Variants in SLC5A8 observed in about 807,000 individuals in gnomAD.
SLC5A8 encodes the protein solute carrier family 5 member 8.
Under a neutral mutation model 71.9 loss-of-function variants are expected in SLC5A8, and 55 were observed. The observed-to-expected ratio is 0.77, with a 90% CI of 0.62 to 0.96. The LOEUF (loss-of-function observed/expected upper bound fraction) is 0.96. SLC5A8 is among the 40% of genes least tolerant of loss of function. The pLI is 0.00. For synonymous variants in SLC5A8, 307 were observed against 276.1 expected, an observed-to-expected ratio of 1.11 and a Z score of -1.11; for missense variants, 701 against 745.3, an observed-to-expected ratio of 0.94 and a Z score of 0.69.
At position 101,184,205 on chromosome 12, in the gene SLC5A8, T is replaced by A. The variant is rs1415849588; in HGVS notation, c.981A>T (p.Val327=). Residue 327 remains valine, a synonymous_variant, in exon 8 of 15, where the codon GTA becomes GTT. Coordinates refer to ENST00000536262, the MANE Select transcript of SLC5A8 (RefSeq NM_145913.5). ...SAPDQLMPYL[V]LDILQDYPGL... ...CTGGATAATCTTGCAGAATGTCCAG[T>A]ACCAAATAAGGCATGAGCTGAAAAA... The A allele has an allele frequency of 2.5e-6, 4 of 1,614,152 alleles. No individual in the cohort carries two copies. The South Asian group carries it at 4.4e-5, about 18-fold the overall frequency.
At chr12:101,207,230 G>A (rs372671832) in intron 1 of SLC5A8, among the ~76,000 whole-genome samples, 1 of 152,170 alleles carries the variant, frequency 6.6e-6, no homozygotes, top group African/African-American at 2.4e-5. Flanking sequence ...CTGCACTGGC[G>A]TAAGCATTGC....
intron 3 of SLC5A8, among the ~76,000 whole-genome samples, chr12:101,201,270 C>G (rs1041427555): frequency 2.6e-5 from 4 of 152,146 alleles, no homozygotes; most frequent in Admixed American, 2.0e-4. Context: ...TTCAAGAGCA[C>G]CTTACACATG....
intron 10 of SLC5A8, among the ~76,000 whole-genome samples, chr12:101,177,147 A>C (rs142805881): frequency 6.6e-6 from 1 of 152,252 alleles, no homozygotes; most frequent in Non-Finnish European, 1.5e-5. Flanking sequence ...ATACATGTAT[A>C]AATTTGCAAA....
At chr12:101,198,401 T>A (rs1405979989) in intron 3 of SLC5A8, among the ~76,000 whole-genome samples, 1 of 151,738 alleles carries the variant, frequency 6.6e-6, no homozygotes, top group Non-Finnish European at 1.5e-5. Context: ...GAAAGATATA[T>A]CAAAATAAGA....
intron 10 of SLC5A8, among the ~76,000 whole-genome samples, chr12:101,171,761 C>A (rs2051831883): frequency 6.6e-6 from 1 of 152,206 alleles, no homozygotes; most frequent in Non-Finnish European, 1.5e-5. Context: ...AGGTTAGCTG[C>A]TCAGTGGGTG....
intron 10 of SLC5A8, among the ~76,000 whole-genome samples, chr12:101,175,711 T>C (rs1309327947): frequency 6.6e-6 from 1 of 151,956 alleles, no homozygotes; most frequent in Non-Finnish European, 1.5e-5. Context: ...TCATCAGAAA[T>C]GATAGAGACA....
At position 101,168,116 on chromosome 12, in the gene SLC5A8, C is replaced by A. The variant is rs1455646741; in HGVS notation, c.1300G>T (p.Val434Phe). Residue 434 changes from valine to phenylalanine, a missense_variant, in exon 11 of 15, where the codon GTT (valine) becomes TTT (phenylalanine). By Grantham distance (50) the Val-to-Phe change is conservative. Transcript: ENST00000536262. ...LMGLFALGILVPFANSIGALV... is the reference protein window; with the variant it reads ...LMGLFALGILFPFANSIGALV... ...CTTACAATTGAGTTGGCAAAGGGAA[C>A]CAAAATGCCCAAAGCGAACAGGCCC... 1.9e-6 allele frequency: 3 copies of A among 1,609,162 alleles called. No individual in the cohort carries two copies. The highest frequency in any genetic ancestry group is 2.7e-5 in the African/African-American group (2 of 74,880).
chr12:101,158,585 TCTCTCTCTCTCTCTATATATA>T (rs2051692580), intron 13 of SLC5A8, among the ~76,000 whole-genome samples: 1 of 46,566 alleles, frequency 2.1e-5, no homozygotes, highest in Admixed American at 2.8e-4. Context: ...TCTCTCTCTC[TCTCTCTCTCTCTCTATATATA>T]TATATATATA....
At chr12:101,170,826 C>A (rs984947576) in intron 10 of SLC5A8, among the ~76,000 whole-genome samples, 30 of 152,186 alleles carry the variant, frequency 2.0e-4, no homozygotes, top group African/African-American at 7.2e-4. Context: ...CATGGCCCAG[C>A]AGTGACAAAG....
chr12:101,198,380 A>G (rs867024587), intron 3 of SLC5A8, among the ~76,000 whole-genome samples: 4 of 152,050 alleles, frequency 2.6e-5, no homozygotes, highest in South Asian at 2.1e-4. Flanking sequence ...TAAAACATCA[A>G]TAGAATACTG....
intron 4 of SLC5A8, 63 bp downstream of exon 4, chr12:101,195,032 T>G (rs1171998831): frequency 6.5e-7 from 1 of 1,545,180 alleles, no homozygotes; most frequent in South Asian, 1.1e-5. Context: ...ATACAACAAC[T>G]GGAATTTTCA....
Position 101,204,583 on chromosome 12 carries a change from A to C in SLC5A8, c.352-18T>G. On this transcript the variant is annotated intron_variant, in intron 1 of 14. Coordinates refer to ENST00000536262, the MANE Select transcript of SLC5A8 (RefSeq NM_145913.5). The stretch of plus-strand genomic sequence containing the variant: ...TCTAAATACTGTTGCAAAAAAAAAA[A>C]TTATGCGAATCCTCTGGATGCCTTT... 4.5e-6 allele frequency: 7 copies of C among 1,549,360 alleles called. No homozygotes were observed. The highest frequency in any genetic ancestry group is 6.1e-6 in the Non-Finnish European group (7 of 1,143,646).
chr12:101,158,951 CAAAAA>C (rs34838052), intron 13 of SLC5A8, among the ~76,000 whole-genome samples: 29 of 116,684 alleles, frequency 2.5e-4, no homozygotes, highest in African/African-American at 8.0e-4. Context: ...GTTTTCTTTA[CAAAAA>C]AAAAAAAAAA....
intron 10 of SLC5A8, among the ~76,000 whole-genome samples, chr12:101,179,769 C>T (rs1386757424): frequency 1.3e-5 from 2 of 152,108 alleles, no homozygotes; most frequent in Admixed American, 6.5e-5. Context: ...GATGTTACCA[C>T]TGCAAGATGT....
chr12:101,158,594 C>CTATATATA (rs1566303459), intron 13 of SLC5A8, among the ~76,000 whole-genome samples: 27 of 21,288 alleles, frequency 1.3e-3, no homozygotes, highest in Middle Eastern at 0.036. Flanking sequence ...CTCTCTCTCT[C>CTATATATA]TCTCTATATA....
At position 101,183,036 on chromosome 12, in the gene SLC5A8, T is replaced by C. The variant is rs1330259539; in HGVS notation, c.1053-121A>G. 2.6e-5 allele frequency: 3 copies of C among 113,714 alleles called. No homozygotes were observed. The Admixed American group carries it at 3.7e-4, about 14-fold the overall frequency. The allele number at this position is 113,714 out of a possible 1,614,324, so 7.0% of individuals were successfully genotyped here. On this transcript the variant is annotated intron_variant, in intron 8 of 14. Coordinates refer to ENST00000536262, the MANE Select transcript of SLC5A8 (RefSeq NM_145913.5). ...AAATATAACCTGATTTCTACTATGC[T>C]TTTTTTTTTTTTTTTTTTTTTTTTT...
chr12:101,172,883 G>A (rs184410524), intron 10 of SLC5A8, among the ~76,000 whole-genome samples: 83 of 152,238 alleles, frequency 5.5e-4, no homozygotes, highest in Middle Eastern at 3.4e-3. Context: ...TAAACCATCC[G>A]GGTGCAAGGT....
At chr12:101,182,676 C>A (rs537753092) in intron 9 of SLC5A8, 127 bp downstream of exon 9, 4 of 618,412 alleles carry the variant, frequency 6.5e-6, no homozygotes, top group Admixed American at 3.6e-5. Flanking sequence ...TTGTCATAGG[C>A]ATACATATGT....
intron 13 of SLC5A8, among the ~76,000 whole-genome samples, chr12:101,158,951 C>CAA (rs34838052): frequency 0.12 from 13,574 of 116,540 alleles, 732 homozygotes; most frequent in African/African-American, 0.16. Context: ...GTTTTCTTTA[C>CAA]AAAAAAAAAA....
Sources: gnomAD v4.1 joint callset for allele counts (sites outside exome capture counted in the v4.1 genomes callset) on GRCh38, gnomAD v4.1.1 for gene constraint, MANE v1.5 for transcripts, NCBI Gene and HGNC (gene_info 2026-07-23, HGNC 2026-07-21) for gene names.